The following CLUAP1 variants were observed in gnomAD, a reference collection of about 807,000 sequenced individuals.
CLUAP1 encodes the protein intraflagellar transport 38.
CLUAP1 carries 50 observed loss-of-function variants against 55.0 expected under a neutral mutation model. The observed-to-expected ratio is 0.91, with a 90% confidence interval of 0.72 to 1.15. The LOEUF is 1.15. Among genes scored for constraint, CLUAP1 ranks in the 50% most tolerant of loss-of-function variants. The pLI is 0.00. For synonymous variants in CLUAP1, 195 were observed against 175.4 expected, an observed-to-expected ratio of 1.11 and a Z score of -0.88; for missense variants, 530 against 507.6, an observed-to-expected ratio of 1.04 and a Z score of -0.42.
chr16:3,511,349 A>T (rs1326874301), intron 4 of CLUAP1, among the ~76,000 whole-genome samples: 1 of 152,234 alleles, frequency 6.6e-6, no homozygotes, highest in Non-Finnish European at 1.5e-5. Flanking sequence ...TGACACACAC[A>T]TCCTAAGAAA....
At chr16:3,505,240 A>T (rs556540346) in intron 2 of CLUAP1, among the ~76,000 whole-genome samples, 9 of 152,250 alleles carry the variant, frequency 5.9e-5, no homozygotes, top group Non-Finnish European at 7.4e-5. Context: ...GTCTCAAAAA[A>T]CAAAATCAGG....
intron 2 of CLUAP1, among the ~76,000 whole-genome samples, chr16:3,505,633 G>C (rs185091585): frequency 6.6e-6 from 1 of 151,836 alleles, no homozygotes; most frequent in Non-Finnish European, 1.5e-5. Flanking sequence ...GAAAGGAGAC[G>C]ACTATTCCTC....
At chr16:3,514,321 C>T (rs896591614) in intron 5 of CLUAP1, among the ~76,000 whole-genome samples, 2 of 152,180 alleles carry the variant, frequency 1.3e-5, no homozygotes, top group African/African-American at 4.8e-5. Context: ...GAATGTAGTA[C>T]TTGTCAAATT....
chr16:3,513,460 TA>T (rs1302625835), intron 5 of CLUAP1, among the ~76,000 whole-genome samples: 7 of 152,134 alleles, frequency 4.6e-5, no homozygotes, highest in Non-Finnish European at 1.5e-5. Flanking sequence ...TTAATTTTGT[TA>T]TTTTTTTTGA....
chr16:3,515,685 G>C, intron 6 of CLUAP1, 94 bp downstream of exon 6: 2 of 780,366 alleles, frequency 2.6e-6, no homozygotes, highest in Non-Finnish European at 3.9e-6. Context: ...GCTAGGCTTA[G>C]TAACAAGGGA....
rs1340293355 is a variant in CLUAP1, at chr16:3,538,283, T to G, written c.*2012T>G. 1 of 151,994 alleles carries G rather than the reference T, an allele frequency of 6.6e-6. No homozygotes were observed. Among genetic ancestry groups the G allele is most frequent in the Non-Finnish European group, 1.5e-5 (1 of 68,008 alleles). 9.4% of individuals were successfully genotyped at this position (151,994 alleles called of 1,614,324 possible). ...TTCTGTCATTTTTGCTTTTTTCTCT[T>G]TCTTTTCCTAAATTTTATGTATAAG... On this transcript the variant is annotated 3_prime_UTR_variant, in exon 12 of 12. Transcript: ENST00000576634.
chr16:3,519,004 CCTGGGGGGCAGTTCCACGCTCAG>C lies in CLUAP1; in HGVS notation c.580-893_580-871del, dbSNP rs1357346892. On this transcript the variant is annotated intron_variant, in intron 6 of 11. Transcript: ENST00000576634. Reference sequence around the variant, plus strand: ...TAATGCAGGGCTGGAAAGCCAGAACCCTGGGGGGCAGTTCCACGCTCAGCTGGGTGGCAGTCCAGATTCCTCAT... The same window carrying C: ...TAATGCAGGGCTGGAAAGCCAGAACCCTGGGTGGCAGTCCAGATTCCTCAT... Among the ~76,000 whole-genome samples the C allele has an allele frequency of 8.5e-5, 13 of 152,316 alleles. No homozygotes were observed. The South Asian group carries it at 1.0e-3, about 12-fold the overall frequency.
At chr16:3,510,851 C>T (rs893541327) in intron 4 of CLUAP1, among the ~76,000 whole-genome samples, 1 of 152,178 alleles carries the variant, frequency 6.6e-6, no homozygotes, top group African/African-American at 2.4e-5. Flanking sequence ...CCATTTGCCA[C>T]GCCGATTGGC....
chr16:3,532,743 T>C, intron 10 of CLUAP1, 43 bp from the exon 11 acceptor site: 1 of 1,605,428 alleles, frequency 6.2e-7, no homozygotes, highest in Non-Finnish European at 8.5e-7. Flanking sequence ...CTGCTTTATT[T>C]TCCAAGATTT....
chr16:3,496,485 G>A (rs2037311863), upstream of CLUAP1: 1 of 727,376 alleles, frequency 1.4e-6, no homozygotes, highest in Non-Finnish European at 2.3e-6. Flanking sequence ...GAGGGTTCAG[G>A]AGGTGCCCAA....
Position 3,506,405 on chromosome 16 carries a change from C to A in CLUAP1, c.209C>A (p.Ala70Asp), listed in dbSNP as rs2037507290. 1.9e-6 allele frequency: 3 copies of A among 1,612,566 alleles called. No homozygotes were observed. Among genetic ancestry groups the A allele is most frequent in the Non-Finnish European group, 2.5e-6 (3 of 1,178,674 alleles). Residue 70 changes from alanine (A) to aspartate (D), a missense_variant, in exon 3 of 12, where the codon GCC becomes GAC. Physicochemically the swap from Ala to Asp is moderately radical, Grantham distance 126. Coordinates refer to ENST00000576634, the MANE Select transcript of CLUAP1 (RefSeq NM_015041.3). Reference protein sequence around the residue: ...QDRVFFIKAIAQFMATKAHIK... With the variant: ...QDRVFFIKAIDQFMATKAHIK... Reference sequence around the variant, plus strand: ...CGAGTTTTCTTCATTAAGGCAATTGCCCAGTTCATGGTTAGTGGACACTTA... The same window carrying A: ...CGAGTTTTCTTCATTAAGGCAATTGACCAGTTCATGGTTAGTGGACACTTA...
At chr16:3,510,214 G>A (rs554243629) in intron 4 of CLUAP1, among the ~76,000 whole-genome samples, 15 of 151,834 alleles carry the variant, frequency 9.9e-5, no homozygotes, top group African/African-American at 1.7e-4. Context: ...GGCTAGTCTC[G>A]AACTCCTGAC....
chr16:3,538,861 A>T lies in CLUAP1; in HGVS notation c.*2590A>T, dbSNP rs1399042064. 1 of 152,178 alleles carries T rather than the reference A, an allele frequency of 6.6e-6. No individual in the cohort carries two copies. Among genetic ancestry groups the T allele is most frequent in the African/African-American group, 2.4e-5 (1 of 41,440 alleles). The allele number at this position is 152,178 out of a possible 1,614,324, so 9.4% of individuals were successfully genotyped here. On this transcript the variant is annotated 3_prime_UTR_variant, in exon 12 of 12. Transcript: ENST00000576634. ...ATGTGCAAGTGCTTTGTGACCTGGC[A>T]CCATTTGGTTTTGGCCAAGCAGCAG...
chr16:3,507,065 G>A lies in CLUAP1; in HGVS notation c.219+650G>A, dbSNP rs573134841. On this transcript the variant is annotated intron_variant, in intron 3 of 11. Transcript: ENST00000576634. ...CAAAAAATTAGTTGGATGTGGTGGC[G>A]GGCACCTGTAGTCCCAGCTACTCGG... is the stretch of plus-strand genomic sequence containing the variant. Among the ~76,000 whole-genome samples the A allele has an allele frequency of 6.6e-5, 10 of 151,820 alleles. No individual in the cohort carries two copies. In the South Asian group the frequency reaches 1.0e-3, roughly 16 times the overall value.
chr16:3,532,991 G>A (rs72778134), intron 11 of CLUAP1, 150 bp downstream of exon 11: 40,975 of 1,339,354 alleles, frequency 0.031, 721 homozygotes, highest in Non-Finnish European at 0.037. Flanking sequence ...GGCCTCATGA[G>A]GCTCTGGACT....
chr16:3,533,232 G>T, intron 11 of CLUAP1: 2 of 1,147,922 alleles, frequency 1.7e-6, no homozygotes, highest in African/African-American at 1.5e-5. Flanking sequence ...CCTCTCCCTA[G>T]GAGTGATGCT....
chr16:3,505,788 G>A (rs765176080), intron 2 of CLUAP1, among the ~76,000 whole-genome samples: 1 of 152,162 alleles, frequency 6.6e-6, no homozygotes, highest in African/African-American at 2.4e-5. Flanking sequence ...ATGATTCAGG[G>A]TTGGCAGCTT....
intron 6 of CLUAP1, among the ~76,000 whole-genome samples, chr16:3,517,481 T>G (rs1171873658): frequency 2.8e-5 from 4 of 143,304 alleles, no homozygotes; most frequent in African/African-American, 7.5e-5. Flanking sequence ...TAATTTTTGT[T>G]TTTTTTTTTA....
intron 4 of CLUAP1, among the ~76,000 whole-genome samples, chr16:3,509,692 G>C (rs929083878): frequency 6.6e-6 from 1 of 152,242 alleles, no homozygotes; most frequent in Non-Finnish European, 1.5e-5. Flanking sequence ...GGCCACGCAG[G>C]GTACGTGAAA....
Sources: allele counts gnomAD v4.1 joint callset (sites outside exome capture counted in the v4.1 genomes callset), GRCh38; gene constraint gnomAD v4.1.1; transcripts MANE v1.5; gene names NCBI Gene and HGNC (gene_info 2026-07-23, HGNC 2026-07-21).